MCTP2: variants seen among roughly 807,000 people sequenced by gnomAD.
MCTP2 encodes the protein multiple C2 and transmembrane domain containing 2.
Under a neutral mutation model 111.6 loss-of-function variants are expected in MCTP2, and 132 were observed. That is an observed-to-expected ratio of 1.18 (90% CI 1.03 to 1.37). The LOEUF (loss-of-function observed/expected upper bound fraction) is 1.37. Ranked by LOEUF, MCTP2 falls within the 40% of genes most tolerant of loss-of-function variation. The pLI, the probability that MCTP2 is intolerant of heterozygous loss-of-function variation, is 0.00. For synonymous variants in MCTP2, 395 were observed against 387.7 expected (o/e 1.02, Z -0.22); for missense variants, 1,183 against 1,067.9 (o/e 1.11, Z -1.50).
intron 14 of MCTP2, among the ~76,000 whole-genome samples, chr15:94,397,444 G>GTCA (rs2152470904): frequency 6.6e-6 from 1 of 152,334 alleles, no homozygotes; most frequent in East Asian, 1.9e-4. Context: ...TTGGCAAATT[G>GTCA]TCAGGCTGTT....
chr15:94,422,815 T>A lies in MCTP2; in HGVS notation c.2086-17361T>A, dbSNP rs144078909. On this transcript the variant is annotated intron_variant, in intron 17 of 22. Coordinates refer to ENST00000357742, the MANE Select transcript of MCTP2 (RefSeq NM_001385001.1). Reference sequence around the variant, plus strand: ...TAAATTTTTACCACTGTCATATCTTTTGCTTTTACTTCCTCCTTCCCACTA... The same window carrying A: ...TAAATTTTTACCACTGTCATATCTTATGCTTTTACTTCCTCCTTCCCACTA... Among the ~76,000 whole-genome samples, 135 of 152,290 alleles carry A rather than the reference T, an allele frequency of 8.9e-4. 1 individual carries two copies. In the East Asian group the frequency reaches 0.025, roughly 28 times the overall value.
intron 1 of MCTP2, among the ~76,000 whole-genome samples, chr15:94,284,575 C>A (rs12902185): frequency 6.6e-6 from 1 of 151,988 alleles, no homozygotes; most frequent in Admixed American, 6.6e-5. Flanking sequence ...TAGTCATGTA[C>A]GACTTATGTA....
At chr15:94,235,056 G>T (rs968201932) in intron 1 of MCTP2, among the ~76,000 whole-genome samples, 6 of 152,042 alleles carry the variant, frequency 3.9e-5, no homozygotes, top group Non-Finnish European at 4.4e-5. Context: ...GTTCGAGACC[G>T]GCCTGGCCAA....
chr15:94,446,417 C>T (rs999421110), intron 19 of MCTP2, among the ~76,000 whole-genome samples: 1 of 152,170 alleles, frequency 6.6e-6, no homozygotes, highest in Admixed American at 6.5e-5. Flanking sequence ...TGGAATCCTT[C>T]CATGTGGACC....
rs529908773 is a variant in MCTP2 at position 94,243,116 on chromosome 15, T to G, written c.-66+11452T>G. 4.1e-4 allele frequency among the ~76,000 whole-genome samples: 59 copies of G among 144,898 alleles called. 7 individuals are homozygous for G. Among genetic ancestry groups the G allele is most frequent in the African/African-American group, 9.3e-4 (37 of 39,672 alleles). On this transcript the variant is annotated intron_variant, in intron 1 of 22. Coordinates refer to ENST00000357742, the MANE Select transcript of MCTP2 (RefSeq NM_001385001.1). ...GTGTATATGTGTATCTACGGGTGTGTATATATGTATCTACGGGTGTGGATA... is the reference window on the plus strand; with the variant it reads ...GTGTATATGTGTATCTACGGGTGTGGATATATGTATCTACGGGTGTGGATA...
Position 94,425,682 on chromosome 15 carries a change from C to G in MCTP2, c.2086-14494C>G, listed in dbSNP as rs545528459. ...TTTCAATGTACAAAGAGAAAAGACA[C>G]AAACAGGCATTGGAAGGGGAGATTA... On this transcript the variant is annotated intron_variant, in intron 17 of 22. Transcript: ENST00000357742. Among the ~76,000 whole-genome samples, 3 of 152,174 alleles carry G rather than the reference C, an allele frequency of 2.0e-5. No homozygotes were observed. The East Asian group carries it at 5.8e-4, about 29-fold the overall frequency.
chr15:94,234,266 CTCTT>C (rs1301830974), intron 1 of MCTP2, among the ~76,000 whole-genome samples: 2 of 152,116 alleles, frequency 1.3e-5, no homozygotes, highest in Non-Finnish European at 2.9e-5. Flanking sequence ...TTTGGAGACT[CTCTT>C]TAAGAAAATT....
At chr15:94,303,064 A>ATATATATATATATATATATAGTT (rs773307490) in intron 2 of MCTP2, among the ~76,000 whole-genome samples, 7 of 125,922 alleles carry the variant, frequency 5.6e-5, no homozygotes, top group African/African-American at 2.1e-4. Context: ...CTAATGGAAT[A>ATATATATATATATATATATAGTT]TATATATATA....
chr15:94,328,282 C>T (rs1026553604), intron 4 of MCTP2, among the ~76,000 whole-genome samples: 1 of 151,910 alleles, frequency 6.6e-6, no homozygotes, highest in African/African-American at 2.4e-5. Context: ...GTGCCCGCCA[C>T]CACGCCCGGC....
intron 17 of MCTP2, among the ~76,000 whole-genome samples, chr15:94,404,739 CG>C (rs1567639823): frequency 6.7e-6 from 1 of 149,248 alleles, no homozygotes; most frequent in Non-Finnish European, 1.5e-5. Context: ...ATTGGCGGGG[CG>C]GGTTGCACAC....
At chr15:94,449,379 T>C (rs568154520) in intron 19 of MCTP2, among the ~76,000 whole-genome samples, 35 of 152,342 alleles carry the variant, frequency 2.3e-4, no homozygotes, top group African/African-American at 8.4e-4. Flanking sequence ...CCGTAACATA[T>C]ATGAGATTTC....
intron 17 of MCTP2, among the ~76,000 whole-genome samples, chr15:94,419,360 G>A (rs192112041): frequency 1.3e-5 from 2 of 152,246 alleles, no homozygotes; most frequent in Non-Finnish European, 2.9e-5. Context: ...AATGGTTAAA[G>A]AATTTTGATT....
At chr15:94,326,382 T>C (rs1329230171) in intron 4 of MCTP2, among the ~76,000 whole-genome samples, 31 of 152,214 alleles carry the variant, frequency 2.0e-4, no homozygotes, top group Admixed American at 2.0e-3. Flanking sequence ...TACTTTTTCA[T>C]ATATTTGCAA....
chr15:94,457,748 A>G (rs561023226), intron 19 of MCTP2, among the ~76,000 whole-genome samples: 4 of 152,330 alleles, frequency 2.6e-5, no homozygotes, highest in Non-Finnish European at 5.9e-5. Context: ...TCTCTGAAGA[A>G]CACTGATAGG....
chr15:94,456,325 GA>G (rs889154689), intron 19 of MCTP2, among the ~76,000 whole-genome samples: 1 of 151,996 alleles, frequency 6.6e-6, no homozygotes, highest in Non-Finnish European at 1.5e-5. Flanking sequence ...GTTTCACAGG[GA>G]AAAAAAATTA....
At chr15:94,438,274 G>T (rs969450779) in intron 17 of MCTP2, among the ~76,000 whole-genome samples, 2 of 151,874 alleles carry the variant, frequency 1.3e-5, no homozygotes, top group Non-Finnish European at 2.9e-5. Context: ...CATACTATTG[G>T]TTAAAATATT....
chr15:94,401,272 T>G (rs544951858), intron 16 of MCTP2, among the ~76,000 whole-genome samples: 47 of 152,290 alleles, frequency 3.1e-4, no homozygotes, highest in African/African-American at 1.1e-3. Context: ...TTGAAAGCAC[T>G]TACTATGTGA....
intron 1 of MCTP2, among the ~76,000 whole-genome samples, chr15:94,249,393 A>G (rs983231244): frequency 6.6e-6 from 1 of 152,002 alleles, no homozygotes; most frequent in African/African-American, 2.4e-5. Context: ...TGAGATGGAG[A>G]TGGTAATACC....
chr15:94,253,573 C>T (rs1019455838), intron 1 of MCTP2, among the ~76,000 whole-genome samples: 3 of 152,150 alleles, frequency 2.0e-5, no homozygotes, highest in African/African-American at 7.2e-5. Flanking sequence ...ATTCTTAACA[C>T]CTCCTAGATC....
Sources: gnomAD v4.1 joint callset for allele counts (sites outside exome capture counted in the v4.1 genomes callset) on GRCh38, gnomAD v4.1.1 for gene constraint, MANE v1.5 for transcripts, NCBI Gene and HGNC (gene_info 2026-07-23, HGNC 2026-07-21) for gene names.